DIPK1A: variants seen among roughly 807,000 people sequenced by gnomAD.
DIPK1A encodes divergent protein kinase domain 1A.
A neutral mutation model predicts 40.8 loss-of-function variants in DIPK1A; 27 were observed. The observed-to-expected ratio is 0.66, with a 90% CI of 0.49 to 0.91. The LOEUF (loss-of-function observed/expected upper bound fraction) is 0.91, where lower values mean the gene tolerates loss of function less well. Among genes scored for constraint, DIPK1A ranks in the 40% least tolerant of loss-of-function variants. DIPK1A has a pLI of 0.00. For synonymous variants in DIPK1A, 166 were observed against 171.3 expected (o/e 0.97, Z 0.24); for missense variants, 412 against 505.7 (o/e 0.81, Z 1.78).
At chr1:92,846,815 A>ATATATATATGTGTG (rs1687624850) in intron 4 of DIPK1A, among the ~76,000 whole-genome samples, 2 of 4,586 alleles carry the variant, frequency 4.4e-4, no homozygotes, top group Non-Finnish European at 6.3e-4. Context: ...ATATATATAT[A>ATATATATATGTGTG]TATATATATA....
intron 1 of DIPK1A, among the ~76,000 whole-genome samples, chr1:92,882,882 G>T (rs892008264): frequency 2.6e-5 from 4 of 152,168 alleles, no homozygotes; most frequent in African/African-American, 9.7e-5. Context: ...TAGAATGTTT[G>T]AAAGAGACTT....
At chr1:92,904,716 A>C (rs1649539346) in intron 1 of DIPK1A, among the ~76,000 whole-genome samples, 1 of 151,992 alleles carries the variant, frequency 6.6e-6, no homozygotes, top group Non-Finnish European at 1.5e-5. Flanking sequence ...ATTACTGTTG[A>C]CTATAATTAC....
intron 2 of DIPK1A, among the ~76,000 whole-genome samples, chr1:92,856,784 G>C (rs969031801): frequency 1.6e-4 from 24 of 152,172 alleles, no homozygotes; most frequent in Non-Finnish European, 2.9e-5. Context: ...GATAAGACAA[G>C]ATGTGATGCA....
chr1:92,898,597 C>T (rs1410180038), intron 1 of DIPK1A, among the ~76,000 whole-genome samples: 1 of 152,148 alleles, frequency 6.6e-6, no homozygotes, highest in Non-Finnish European at 1.5e-5. Flanking sequence ...ATCTCAGCCT[C>T]CTGAGTAGCT....
intron 1 of DIPK1A, among the ~76,000 whole-genome samples, chr1:92,920,358 GC>G (rs1342755174): frequency 6.6e-6 from 1 of 152,208 alleles, no homozygotes; most frequent in Non-Finnish European, 1.5e-5. Flanking sequence ...CTCCTTGCCT[GC>G]CACCATGTAA....
At chr1:92,851,403 C>T (rs763228123) in intron 2 of DIPK1A, among the ~76,000 whole-genome samples, 4 of 151,598 alleles carry the variant, frequency 2.6e-5, no homozygotes, top group African/African-American at 7.3e-5. Context: ...ATGAGCCAGG[C>T]GTGGTGGCGG....
intron 2 of DIPK1A, among the ~76,000 whole-genome samples, chr1:92,865,687 T>C (rs967788940): frequency 1.3e-5 from 2 of 152,222 alleles, no homozygotes; most frequent in African/African-American, 4.8e-5. Context: ...ACAGTAAACT[T>C]GAATTCAAAT....
At chr1:92,875,152 C>T (rs993395818) in intron 2 of DIPK1A, among the ~76,000 whole-genome samples, 2 of 152,050 alleles carry the variant, frequency 1.3e-5, no homozygotes, top group African/African-American at 4.8e-5. Context: ...TGGGGAAGCT[C>T]CAGGTTTCCG....
intron 1 of DIPK1A, among the ~76,000 whole-genome samples, chr1:92,895,428 GA>G (rs1649115707): frequency 6.6e-6 from 1 of 152,044 alleles, no homozygotes; most frequent in South Asian, 2.1e-4. Flanking sequence ...AATAGATGCA[GA>G]AAAGGCCTTT....
At chr1:92,880,480 T>C (rs1272825309) in intron 1 of DIPK1A, among the ~76,000 whole-genome samples, 1 of 152,226 alleles carries the variant, frequency 6.6e-6, no homozygotes, top group Non-Finnish European at 1.5e-5. Flanking sequence ...TGATAACTTA[T>C]TTCAAAACAA....
intron 1 of DIPK1A, among the ~76,000 whole-genome samples, chr1:92,957,739 T>A (rs1483504436): frequency 6.6e-6 from 1 of 152,260 alleles, no homozygotes; most frequent in East Asian, 1.9e-4. Context: ...GGAGATATAC[T>A]AATAATTCAC....
rs543225322 is a variant in DIPK1A, at chr1:92,935,764, ATAAC to A, written c.54+25608_54+25611del. On this transcript the variant is annotated intron_variant, in intron 1 of 4. Transcript: ENST00000370310. ...AAAAAAAAAAATCCCTCACTATTCT[ATAAC>A]TAACTAACTAAAGACATTAAAACAC... Among the ~76,000 whole-genome samples the A allele has an allele frequency of 4.1e-3, 628 of 152,188 alleles. 3 individuals are homozygous for A. The highest frequency in any genetic ancestry group is 0.014 in the African/African-American group (596 of 41,524).
intron 1 of DIPK1A, among the ~76,000 whole-genome samples, chr1:92,890,613 A>G (rs1459600568): frequency 6.6e-6 from 1 of 152,224 alleles, no homozygotes; most frequent in Non-Finnish European, 1.5e-5. Flanking sequence ...GTGATGTATC[A>G]TATTTACTGA....
At position 92,854,545 on chromosome 1, in the gene DIPK1A, C is replaced by T. The variant is rs1409191474; in HGVS notation, c.190-3590G>A. Reference sequence around the variant, plus strand: ...TCCTGATAGAGATCAAGAGCCCTGCCCATGTGCAGAGTTAAGTGTCAACAC... The same window carrying T: ...TCCTGATAGAGATCAAGAGCCCTGCTCATGTGCAGAGTTAAGTGTCAACAC... On this transcript the variant is annotated intron_variant, in intron 2 of 4. Coordinates refer to ENST00000370310, the MANE Select transcript of DIPK1A (RefSeq NM_001006605.5). Among the ~76,000 whole-genome samples the T allele has an allele frequency of 6.6e-5, 10 of 152,298 alleles. No homozygotes were observed. In the East Asian group the frequency reaches 1.9e-3, roughly 29 times the overall value.
intron 1 of DIPK1A, among the ~76,000 whole-genome samples, chr1:92,901,761 T>C (rs565956741): frequency 3.9e-5 from 6 of 152,204 alleles, no homozygotes; most frequent in Admixed American, 3.3e-4. Flanking sequence ...AGCTGTTGTT[T>C]GGGCCCTGGG....
chr1:92,886,950 A>C (rs1051405905), intron 1 of DIPK1A, among the ~76,000 whole-genome samples: 1 of 152,070 alleles, frequency 6.6e-6, no homozygotes, highest in Non-Finnish European at 1.5e-5. Flanking sequence ...CCAACAAAGC[A>C]AAAAATATTT....
At chr1:92,960,798 G>A (rs912365499) in intron 1 of DIPK1A, among the ~76,000 whole-genome samples, 2 of 152,186 alleles carry the variant, frequency 1.3e-5, no homozygotes, top group Non-Finnish European at 2.9e-5. Flanking sequence ...GTGATGGAAC[G>A]ACCCAACCAA....
At position 92,876,313 on chromosome 1, in the gene DIPK1A, C is replaced by T. The variant is rs1166076785; in HGVS notation, c.172G>A (p.Asp58Asn). 1.3e-6 allele frequency: 2 copies of T among 1,570,274 alleles called. No homozygotes were observed. The highest frequency in any genetic ancestry group is 1.7e-6 in the Non-Finnish European group (2 of 1,154,462). ...STYTELCRGK[D>N]CKKIICDKYK... is the part of the protein sequence containing the mutation. ...ATACTTACTATTATTTTCTTACAGT[C>T]CTTTCCTCTGCATAATTCTGTATAG... Residue 58 changes from aspartate to asparagine, a missense_variant, in exon 2 of 5, where the codon GAC (aspartate) becomes AAC (asparagine). Asp to Asn is a conservative substitution (Grantham distance 23, BLOSUM62 1). Coordinates refer to ENST00000370310, the MANE Select transcript of DIPK1A (RefSeq NM_001006605.5).
chr1:92,861,321 C>CTCTCTTTT (rs1553125720), intron 2 of DIPK1A, among the ~76,000 whole-genome samples: 1 of 83,546 alleles, frequency 1.2e-5, no homozygotes, highest in Non-Finnish European at 2.1e-5. Context: ...CTCTCTCTCT[C>CTCTCTTTT]TTTTTTTTTT....
Sources: allele counts gnomAD v4.1 joint callset (sites outside exome capture counted in the v4.1 genomes callset), GRCh38; gene constraint gnomAD v4.1.1; transcripts MANE v1.5; gene names NCBI Gene and HGNC (gene_info 2026-07-23, HGNC 2026-07-21).